The following ARHGAP15 variants were observed in gnomAD, a reference collection of about 807,000 sequenced individuals.
ARHGAP15 encodes Rho GTPase activating protein 15, also known as rho GTPase-activating protein 15.
In ARHGAP15, 51 loss-of-function variants were observed where a neutral mutation model predicts 63.7. The observed-to-expected ratio is 0.80, with a 90% CI of 0.64 to 1.01. The LOEUF (loss-of-function observed/expected upper bound fraction) is 1.01. Among genes scored for constraint, ARHGAP15 ranks in the 50% least tolerant of loss-of-function variants. The pLI is 0.00. For synonymous variants in ARHGAP15, 191 were observed against 193.8 expected (o/e 0.99, Z 0.12); for missense variants, 560 against 564.6 (o/e 0.99, Z 0.08).
At chr2:143,461,060 C>A (rs1477157667) in intron 8 of ARHGAP15, among the ~76,000 whole-genome samples, 4 of 152,008 alleles carry the variant, frequency 2.6e-5, no homozygotes, top group Non-Finnish European at 5.9e-5. Flanking sequence ...GAGGCCAAAG[C>A]AGATGGATCG....
intron 2 of ARHGAP15, among the ~76,000 whole-genome samples, chr2:143,188,889 G>T (rs920614615): frequency 1.3e-5 from 2 of 151,764 alleles, no homozygotes; most frequent in African/African-American, 2.4e-5. Context: ...CTCCCAAAGT[G>T]CTGGGATTAC....
At chr2:143,205,848 C>T (rs963122893) in intron 3 of ARHGAP15, among the ~76,000 whole-genome samples, 2 of 151,934 alleles carry the variant, frequency 1.3e-5, no homozygotes, top group Admixed American at 1.3e-4. Context: ...GTTGTGGTGC[C>T]CATATGCTTC....
chr2:143,735,167 C>G (rs1685697122), intron 13 of ARHGAP15, among the ~76,000 whole-genome samples: 1 of 152,108 alleles, frequency 6.6e-6, no homozygotes, highest in African/African-American at 2.4e-5. Flanking sequence ...TATTTATAAG[C>G]CATGGTTTCT....
chr2:143,613,611 G>A (rs896187491), intron 11 of ARHGAP15, among the ~76,000 whole-genome samples: 1 of 152,154 alleles, frequency 6.6e-6, no homozygotes, highest in Non-Finnish European at 1.5e-5. Flanking sequence ...AGAATATTTT[G>A]ACTTCCCTGA....
chr2:143,330,633 G>A (rs879333028), intron 6 of ARHGAP15, among the ~76,000 whole-genome samples: 10 of 152,108 alleles, frequency 6.6e-5, no homozygotes, highest in Non-Finnish European at 1.0e-4. Context: ...CATGGTTTAT[G>A]CAATTTCAAC....
intron 6 of ARHGAP15, among the ~76,000 whole-genome samples, chr2:143,430,207 A>G (rs1038841458): frequency 2.7e-5 from 4 of 149,044 alleles, no homozygotes; most frequent in Non-Finnish European, 5.9e-5. Flanking sequence ...ATCAGCATAT[A>G]TTTACTTAAC....
rs1009175909 is a variant in ARHGAP15 at position 143,260,065 on chromosome 2, A to T, written c.474+9465A>T. ...ATAATTTAGAATGTCAAAAAAGAAAATGTACAGAGGTTCATAAATTTCTTC... is the reference window on the plus strand; with the variant it reads ...ATAATTTAGAATGTCAAAAAAGAAATTGTACAGAGGTTCATAAATTTCTTC... On this transcript the variant is annotated intron_variant, in intron 6 of 13. Coordinates refer to ENST00000295095, the MANE Select transcript of ARHGAP15 (RefSeq NM_018460.4). Among the ~76,000 whole-genome samples the T allele has an allele frequency of 2.0e-5, 3 of 152,156 alleles. No individual in the cohort carries two copies. In the South Asian group the frequency reaches 6.2e-4, roughly 31 times the overall value.
chr2:143,449,986 T>C (rs1450613014), intron 8 of ARHGAP15, among the ~76,000 whole-genome samples: 1 of 151,922 alleles, frequency 6.6e-6, no homozygotes, highest in East Asian at 1.9e-4. Context: ...TAGTAGTGCC[T>C]AGATTCACTT....
chr2:143,435,360 C>T, intron 6 of ARHGAP15: 5 of 1,110,040 alleles, frequency 4.5e-6, no homozygotes, highest in South Asian at 2.9e-5. Flanking sequence ...TCAGCTCTAG[C>T]CCTACTCTGA....
chr2:143,494,009 T>A (rs1020831522), intron 9 of ARHGAP15, among the ~76,000 whole-genome samples: 12 of 152,302 alleles, frequency 7.9e-5, no homozygotes, highest in African/African-American at 2.6e-4. Context: ...ATTGGGGGGT[T>A]TTGGTCTTTA....
At position 143,172,897 on chromosome 2, in the gene ARHGAP15, C is replaced by T. The variant is rs373157629; in HGVS notation, c.165+17242C>T. On this transcript the variant is annotated intron_variant, in intron 2 of 13. Transcript: ENST00000295095. Reference sequence around the variant, plus strand: ...AACCAACAGATGGTATTTAATGCTACAGAAATAGCCAAGATCCCATTGAGA... The same window carrying T: ...AACCAACAGATGGTATTTAATGCTATAGAAATAGCCAAGATCCCATTGAGA... Among the ~76,000 whole-genome samples, 8 of 152,006 alleles carry T rather than the reference C, an allele frequency of 5.3e-5. No individual in the cohort carries two copies. In the East Asian group the frequency reaches 5.8e-4, roughly 11 times the overall value.
intron 2 of ARHGAP15, chr2:143,162,507 G>A (rs1486913215): frequency 3.9e-5 from 6 of 151,960 alleles, no homozygotes; most frequent in African/African-American, 1.4e-4. Context: ...TCTGAAATAC[G>A]GAGTTAGAGC....
At chr2:143,730,085 C>T (rs922036366) in intron 13 of ARHGAP15, among the ~76,000 whole-genome samples, 11 of 152,146 alleles carry the variant, frequency 7.2e-5, no homozygotes, top group Admixed American at 6.5e-4. Context: ...TAATGAATGG[C>T]TTTCAAAGAA....
chr2:143,308,709 T>C (rs1285311059), intron 6 of ARHGAP15, among the ~76,000 whole-genome samples: 3 of 151,860 alleles, frequency 2.0e-5, no homozygotes, highest in Admixed American at 6.6e-5. Context: ...GAAGTGCACG[T>C]TAGTTATTTG....
intron 1 of ARHGAP15, among the ~76,000 whole-genome samples, chr2:143,138,088 T>C (rs1334206446): frequency 1.3e-5 from 2 of 152,124 alleles, no homozygotes; most frequent in Non-Finnish European, 2.9e-5. Flanking sequence ...TCTCAAGATG[T>C]TTACAGTTGC....
At chr2:143,173,515 G>T (rs1304094673) in intron 2 of ARHGAP15, among the ~76,000 whole-genome samples, 2 of 151,908 alleles carry the variant, frequency 1.3e-5, no homozygotes, top group African/African-American at 4.8e-5. Flanking sequence ...ATGATAACTG[G>T]CTTCAACATG....
chr2:143,349,854 T>G (rs763757277), intron 6 of ARHGAP15, among the ~76,000 whole-genome samples: 12 of 152,194 alleles, frequency 7.9e-5, no homozygotes, highest in Non-Finnish European at 1.5e-4. Flanking sequence ...ATAATATATT[T>G]ATGCTACCTT....
chr2:143,603,349 T>C (rs897063788), intron 11 of ARHGAP15, among the ~76,000 whole-genome samples: 1 of 152,192 alleles, frequency 6.6e-6, no homozygotes, highest in South Asian at 2.1e-4. Context: ...AATGTATTCT[T>C]GTGAATACAG....
chr2:143,393,072 T>C (rs1235947722), intron 6 of ARHGAP15, among the ~76,000 whole-genome samples: 1 of 152,198 alleles, frequency 6.6e-6, no homozygotes, highest in Admixed American at 6.5e-5. Flanking sequence ...AAAGAGATGA[T>C]TTAAAGCCTT....
Sources: gnomAD v4.1 joint callset for allele counts (sites outside exome capture counted in the v4.1 genomes callset) on GRCh38, gnomAD v4.1.1 for gene constraint, MANE v1.5 for transcripts, NCBI Gene and HGNC (gene_info 2026-07-23, HGNC 2026-07-21) for gene names.